Variants in FCHSD2 observed in about 807,000 individuals in gnomAD.
FCHSD2 encodes the protein F-BAR and double SH3 domains protein 2.
FCHSD2 carries 38 observed loss-of-function variants against 108.1 expected under a neutral mutation model. The observed-to-expected ratio is 0.35, with a 90% CI of 0.27 to 0.46. The LOEUF is 0.46. FCHSD2 is among the 20% of genes least tolerant of loss of function. FCHSD2 has a pLI of 1.00. For synonymous variants in FCHSD2, 279 were observed against 314.7 expected (o/e 0.89, Z 1.20); for missense variants, 751 against 897.8 (o/e 0.84, Z 2.09).
chr11:72,941,525 C>T (rs1277346629), intron 8 of FCHSD2, among the ~76,000 whole-genome samples: 1 of 151,192 alleles, frequency 6.6e-6, no homozygotes, highest in Non-Finnish European at 1.5e-5. Context: ...CTGTTTTGTT[C>T]TTGTATTGAT....
Position 73,047,040 on chromosome 11 carries a change from T to C in FCHSD2, c.166-31155A>G, listed in dbSNP as rs76146800. Among the ~76,000 whole-genome samples the C allele has an allele frequency of 3.8e-4, 58 of 152,198 alleles. 1 individual carries two copies. The East Asian group carries it at 0.01, about 26-fold the overall frequency. ...ATATCAATGATATTTTTATCAATGA[T>C]AAAAAATACTATTAAATATAAAAGA... On this transcript the variant is annotated intron_variant, in intron 3 of 19. Transcript: ENST00000409418.
chr11:72,842,603 G>A lies in FCHSD2; in HGVS notation c.1926+18C>T. The stretch of plus-strand genomic sequence containing the variant: ...TCTTTAAACATCTTTTAATTCAACT[G>A]TCTCCCCTCTCAGGTACCTGAATCT... On this transcript the variant is annotated intron_variant, in intron 17 of 19. Coordinates refer to ENST00000409418, the MANE Select transcript of FCHSD2 (RefSeq NM_014824.3). The A allele has an allele frequency of 6.2e-7, 1 of 1,613,740 alleles. No individual in the cohort carries two copies. Among genetic ancestry groups the A allele is most frequent in the Non-Finnish European group, 8.5e-7 (1 of 1,179,788 alleles).
At chr11:72,852,197 C>T (rs1404460492) in intron 13 of FCHSD2, among the ~76,000 whole-genome samples, 4 of 151,902 alleles carry the variant, frequency 2.6e-5, no homozygotes, top group African/African-American at 4.8e-5. Flanking sequence ...CTGAGAATGG[C>T]TATTATTTAA....
At chr11:72,986,413 G>A (rs917639030) in intron 6 of FCHSD2, among the ~76,000 whole-genome samples, 1 of 152,134 alleles carries the variant, frequency 6.6e-6, no homozygotes, top group African/African-American at 2.4e-5. Flanking sequence ...GTTTCACCAT[G>A]TTAGCCAGGA....
intron 13 of FCHSD2, among the ~76,000 whole-genome samples, chr11:72,867,181 A>C (rs1199830491): frequency 1.3e-5 from 2 of 152,230 alleles, no homozygotes; most frequent in Non-Finnish European, 2.9e-5. Context: ...TGACAGTAGG[A>C]ATTACATTAG....
chr11:73,094,284 T>C (rs1188101782), intron 2 of FCHSD2, among the ~76,000 whole-genome samples: 1 of 151,916 alleles, frequency 6.6e-6, no homozygotes, highest in Non-Finnish European at 1.5e-5. Context: ...ACTATAGCAA[T>C]GAGGATAAAG....
intron 9 of FCHSD2, among the ~76,000 whole-genome samples, 160 bp downstream of exon 9, chr11:72,921,668 C>T (rs770015960): frequency 1.3e-5 from 2 of 152,226 alleles, no homozygotes; most frequent in Non-Finnish European, 2.9e-5. Context: ...ACAAGGAGAA[C>T]AGAATCTCCT....
At chr11:72,876,150 C>A (rs1325095041) in intron 12 of FCHSD2, among the ~76,000 whole-genome samples, 1 of 152,092 alleles carries the variant, frequency 6.6e-6, no homozygotes, top group African/African-American at 2.4e-5. Flanking sequence ...AATAGCAAGA[C>A]CCTATCTCTA....
At chr11:73,049,558 TAG>T (rs1291354630) in intron 3 of FCHSD2, among the ~76,000 whole-genome samples, 1 of 140,792 alleles carries the variant, frequency 7.1e-6, no homozygotes, top group East Asian at 2.4e-4. Context: ...GGGGGAGGGA[TAG>T]CATTGGGAGA....
intron 8 of FCHSD2, among the ~76,000 whole-genome samples, chr11:72,983,304 A>AG (rs1479466112): frequency 8.7e-5 from 13 of 149,966 alleles, no homozygotes; most frequent in Admixed American, 6.6e-4. Flanking sequence ...AAAAAAAAAA[A>AG]AAAATAAATA....
chr11:72,958,993 A>ATGT (rs1856769176), intron 8 of FCHSD2, among the ~76,000 whole-genome samples: 1 of 114,782 alleles, frequency 8.7e-6, no homozygotes, highest in South Asian at 3.8e-4. Context: ...TCAGTAAGAT[A>ATGT]TGTGTGTGTG....
chr11:72,902,409 G>A, intron 10 of FCHSD2, 134 bp downstream of exon 10: 1 of 526,864 alleles, frequency 1.9e-6, no homozygotes. Flanking sequence ...TAATTATTCT[G>A]TGTCCTCACA....
At chr11:72,957,116 C>T (rs1478549037) in intron 8 of FCHSD2, among the ~76,000 whole-genome samples, 3 of 150,918 alleles carry the variant, frequency 2.0e-5, no homozygotes, top group Non-Finnish European at 4.4e-5. Flanking sequence ...ATGTGCCATG[C>T]TGGTGCGCTG....
At position 72,989,216 on chromosome 11, in the gene FCHSD2, C is replaced by A. The variant is rs1045430224; in HGVS notation, c.388-119G>T. ...TGGAAATCCAGGGGAAAAGTCAGTA[C>A]GTTCAGTGTCCTTCAAATTGCAGAT... On this transcript the variant is annotated intron_variant, in intron 5 of 19. Coordinates refer to ENST00000409418, the MANE Select transcript of FCHSD2 (RefSeq NM_014824.3). 3 of 657,932 alleles carry A rather than the reference C, an allele frequency of 4.6e-6. No homozygotes were observed. In the South Asian group the frequency reaches 8.0e-5, roughly 18 times the overall value. The allele number at this position is 657,932 out of a possible 1,614,324, so 40.8% of individuals were successfully genotyped here.
At chr11:72,868,670 G>T (rs1240990982) in intron 12 of FCHSD2, among the ~76,000 whole-genome samples, 3 of 151,528 alleles carry the variant, frequency 2.0e-5, no homozygotes, top group African/African-American at 7.3e-5. Context: ...CCGCCTGGGT[G>T]ACAGAGCAAG....
At position 73,073,379 on chromosome 11, in the gene FCHSD2, T is replaced by C. The variant is rs1859477153; in HGVS notation, c.165+10316A>G. Among the ~76,000 whole-genome samples, 4 of 152,248 alleles carry C rather than the reference T, an allele frequency of 2.6e-5. No individual in the cohort carries two copies. The South Asian group carries it at 8.3e-4, about 31-fold the overall frequency. ...TAATACTCTTGTAGGAAACTGAAAC[T>C]ACCAAGCAACTTGAAAAAGTTCACT... On this transcript the variant is annotated intron_variant, in intron 3 of 19. Coordinates refer to ENST00000409418, the MANE Select transcript of FCHSD2 (RefSeq NM_014824.3).
intron 9 of FCHSD2, among the ~76,000 whole-genome samples, chr11:72,911,382 T>C (rs979238496): frequency 6.6e-6 from 1 of 152,240 alleles, no homozygotes; most frequent in Non-Finnish European, 1.5e-5. Flanking sequence ...TTGGTTACTA[T>C]AGCTTTGTAG....
At chr11:72,965,383 T>C (rs1243335348) in intron 8 of FCHSD2, among the ~76,000 whole-genome samples, 4 of 152,214 alleles carry the variant, frequency 2.6e-5, no homozygotes, top group African/African-American at 9.6e-5. Context: ...TAAAACACAG[T>C]AGGAAACAAT....
chr11:72,956,472 A>G (rs1233977492), intron 8 of FCHSD2, among the ~76,000 whole-genome samples: 1 of 152,200 alleles, frequency 6.6e-6, no homozygotes, highest in African/African-American at 2.4e-5. Flanking sequence ...AATACCATAA[A>G]CTGTGACTTA....
Sources: gnomAD v4.1 joint callset for allele counts (sites outside exome capture counted in the v4.1 genomes callset) on GRCh38, gnomAD v4.1.1 for gene constraint, MANE v1.5 for transcripts, NCBI Gene and HGNC (gene_info 2026-07-23, HGNC 2026-07-21) for gene names.